PARP12: variants seen among roughly 807,000 people sequenced by gnomAD.
The protein encoded by PARP12 is protein mono-ADP-ribosyltransferase PARP12.
PARP12 carries 59 observed loss-of-function variants against 72.4 expected under a neutral mutation model. The observed-to-expected ratio is 0.81, with a 90% CI of 0.66 to 1.01. The LOEUF (loss-of-function observed/expected upper bound fraction) is 1.01. Ranked by LOEUF, PARP12 falls within the 50% of genes least tolerant of loss-of-function variation. PARP12 has a pLI of 0.00. For synonymous variants in PARP12, 403 were observed against 371.4 expected, an observed-to-expected ratio of 1.09 and a Z score of -0.98; for missense variants, 851 against 914.0, an observed-to-expected ratio of 0.93 and a Z score of 0.89.
chr7:140,061,568 G>T lies in PARP12; in HGVS notation c.326+954C>A, dbSNP rs146625583. ...CCCCACAACATCCTCCCTTAAATTG[G>T]CACCCACACCACTACCTTAGACTTC... is the stretch of plus-strand genomic sequence containing the variant. On this transcript the variant is annotated intron_variant, in intron 1 of 11. Coordinates refer to ENST00000263549, the MANE Select transcript of PARP12 (RefSeq NM_022750.4). 3.3e-3 allele frequency among the ~76,000 whole-genome samples: 500 copies of T among 152,232 alleles called. 2 individuals are homozygous for T. The highest frequency in any genetic ancestry group is 6.8e-3 in the Middle Eastern group (2 of 294).
Position 140,024,526 on chromosome 7 carries a change from G to C in PARP12, c.*34C>G, listed in dbSNP as rs747888717. The C allele has an allele frequency of 6.2e-7, 1 of 1,607,330 alleles. No homozygotes were observed. The highest frequency in any genetic ancestry group is 8.5e-7 in the Non-Finnish European group (1 of 1,174,304). On this transcript the variant is annotated 3_prime_UTR_variant, in exon 12 of 12. Coordinates refer to ENST00000263549, the MANE Select transcript of PARP12 (RefSeq NM_022750.4). The stretch of plus-strand genomic sequence containing the variant: ...AGGCCCAAATAGCCATTTCAAGGCA[G>C]AGCAGGTGAAAGGCCTGGAACACTC...
At chr7:140,033,595 A>T in intron 8 of PARP12, 1 of 984,712 alleles carries the variant, frequency 1.0e-6, no homozygotes, top group East Asian at 1.1e-4. Flanking sequence ...ATCCCATCCC[A>T]CCTCCCCAAG....
chr7:140,035,907 AGG>A (rs879667291), intron 7 of PARP12, among the ~76,000 whole-genome samples: 8,588 of 130,226 alleles, frequency 0.066, 1,314 homozygotes, highest in East Asian at 0.18. Context: ...GAGGACGAGG[AGG>A]AGGACAAGGA....
At chr7:140,057,267 C>T in intron 2 of PARP12, 114 bp from the exon 3 acceptor site, 1 of 994,722 alleles carries the variant, frequency 1.0e-6, no homozygotes, top group Non-Finnish European at 1.5e-6. Flanking sequence ...ATTCCATCAT[C>T]CACACAGAAC....
chr7:140,062,585 A>G lies in PARP12; in HGVS notation c.263T>C (p.Leu88Pro). 1 of 1,533,514 alleles carries G rather than the reference A, an allele frequency of 6.5e-7. No individual in the cohort carries two copies. The highest frequency in any genetic ancestry group is 8.7e-7 in the Non-Finnish European group (1 of 1,144,704). 95.0% of individuals were successfully genotyped at this position (1,533,514 alleles called of 1,614,324 possible). A position where few individuals can be genotyped will look rare whatever the true frequency, so the allele number is the denominator to read the frequency against. Residue 88 changes from leucine to proline, a missense_variant, in exon 1 of 12, where the codon CTC becomes CCC. Leu to Pro is a moderately conservative substitution (Grantham distance 98). Coordinates refer to ENST00000263549, the MANE Select transcript of PARP12 (RefSeq NM_022750.4). ...CCTGCAGAGGTGGAGCTGCGCGCAG[A>G]GCCCCACGCAGCCCGGCTTGGAGCC... Reference protein sequence around the residue: ...HQGSKPGCVGLCAQLHLCRFM... With the variant: ...HQGSKPGCVGPCAQLHLCRFM...
intron 8 of PARP12, chr7:140,033,263 C>G (rs1419896269): frequency 7.1e-6 from 7 of 985,294 alleles, no homozygotes; most frequent in Non-Finnish European, 8.4e-6. Context: ...CTAGGTCTGA[C>G]TCACAAGGCA....
chr7:140,025,093 C>T, intron 11 of PARP12: 1 of 580,030 alleles, frequency 1.7e-6, no homozygotes, highest in Middle Eastern at 4.6e-4. Context: ...GTGGCAGCAT[C>T]TGAGGAGTTA....
intron 4 of PARP12, among the ~76,000 whole-genome samples, chr7:140,051,620 A>G (rs1273692130): frequency 6.6e-6 from 1 of 152,132 alleles, no homozygotes; most frequent in Non-Finnish European, 1.5e-5. Context: ...CAAACTCCTG[A>G]CCTCAAGTGA....
chr7:140,046,824 G>GTC, intron 5 of PARP12, 60 bp downstream of exon 5: 1 of 1,530,076 alleles, frequency 6.5e-7, no homozygotes, highest in South Asian at 1.2e-5. Context: ...GTGTGTGTGT[G>GTC]TGTGTGTGTC....
Position 140,062,772 on chromosome 7 carries a change from G to A in PARP12, c.76C>T (p.Leu26=). Residue 26 remains leucine, a synonymous_variant, in exon 1 of 12, where the codon CTG becomes TTG. Transcript: ENST00000263549. ...AAGCCCATCCGCAAGCGGCGCCGCA[G>A]CTCGGGCAACTCCAGGGCGCCCCCG... ...AAGGALELPE[L]RRRLRMGLSA... 1.4e-6 allele frequency: 2 copies of A among 1,400,272 alleles called. No homozygotes were observed. The highest frequency in any genetic ancestry group is 1.5e-5 in the African/African-American group (1 of 66,832). 86.7% of individuals were successfully genotyped at this position (1,400,272 alleles called of 1,614,324 possible).
At chr7:140,059,359 T>TATAC (rs1418702640) in intron 1 of PARP12, among the ~76,000 whole-genome samples, 1 of 117,122 alleles carries the variant, frequency 8.5e-6, no homozygotes, top group Non-Finnish European at 1.7e-5. Flanking sequence ...TGCAGGCGTG[T>TATAC]ATACACACAC....
In PARP12 at chr7:140,037,780, G is replaced by C; in HGVS notation, c.1259C>G (p.Ser420Cys). 1 of 1,614,218 alleles carries C rather than the reference G, an allele frequency of 6.2e-7. No homozygotes were observed. Among genetic ancestry groups the C allele is most frequent in the Non-Finnish European group, 8.5e-7 (1 of 1,180,006 alleles). ...CTTCAAGGTGGCTGCCTGGCCGTCA[G>C]ACCCCGGTGTACAGTAGGCCAGGTA... ...KAYLAYCTPG[S>C]DGQAATLKFQ... Residue 420 changes from serine to cysteine, a missense_variant, in exon 7 of 12, where the codon TCT becomes TGT. Transcript: ENST00000263549.
rs1815650901 is a variant in PARP12, at chr7:140,024,599, G to GGCC, written c.2066_2067insGGC (p.Ile689delinsMetAla). 1 of 1,614,096 alleles carries GGCC rather than the reference G, an allele frequency of 6.2e-7. No individual in the cohort carries two copies. The highest frequency in any genetic ancestry group is 8.5e-7 in the Non-Finnish European group (1 of 1,180,050). ...TGAACAGGGAGCCCAAGGCCAGCAG[G>GGCC]ATGGAGGGTGTGACCGAGGGCTTGG... On this transcript the variant is annotated protein_altering_variant, in exon 12 of 12. Transcript: ENST00000263549.
In PARP12 at chr7:140,037,874, A is replaced by C; in HGVS notation, c.1183-18T>G. On this transcript the variant is annotated intron_variant, in intron 6 of 11. Coordinates refer to ENST00000263549, the MANE Select transcript of PARP12 (RefSeq NM_022750.4). The stretch of plus-strand genomic sequence containing the variant: ...ACCGTGCCCTGCGATGGAAAGCCAG[A>C]CACTTTATGAAGGCAAGAAACTGCG... 6.3e-7 allele frequency: 1 copy of C among 1,599,370 alleles called. No homozygotes were observed. The highest frequency in any genetic ancestry group is 8.6e-7 in the Non-Finnish European group (1 of 1,168,228).
rs117582412 is a variant in PARP12 at position 140,027,567 on chromosome 7, G to A, written c.1498-161C>T. On this transcript the variant is annotated intron_variant, in intron 9 of 11. Coordinates refer to ENST00000263549, the MANE Select transcript of PARP12 (RefSeq NM_022750.4). ...GTTTCTCCAGGCACAGGAGACAATC[G>A]GTCCTCATGAAATGTCATTGATAGG... The A allele has an allele frequency of 4.3e-4, 327 of 752,102 alleles. 1 individual carries two copies. In the East Asian group the frequency reaches 8.3e-3, roughly 19 times the overall value. 46.6% of individuals were successfully genotyped at this position (752,102 alleles called of 1,614,324 possible).
chr7:140,047,687 G>A (rs539688221), intron 4 of PARP12, among the ~76,000 whole-genome samples: 7 of 151,932 alleles, frequency 4.6e-5, no homozygotes, highest in East Asian at 3.9e-4. Context: ...GCACAATCAC[G>A]GCTCACTGCA....
intron 4 of PARP12, among the ~76,000 whole-genome samples, chr7:140,052,856 A>G (rs1817019660): frequency 6.6e-6 from 1 of 152,142 alleles, no homozygotes; most frequent in Non-Finnish European, 1.5e-5. Context: ...ATGTAAATAA[A>G]AGTTAAACAT....
At chr7:140,039,866 T>C (rs1057167227) in intron 6 of PARP12, among the ~76,000 whole-genome samples, 5 of 151,464 alleles carry the variant, frequency 3.3e-5, no homozygotes, top group African/African-American at 1.2e-4. Flanking sequence ...CCACACGCGG[T>C]TCATCCCCAG....
rs1053712358 is a variant in PARP12 at position 140,062,828 on chromosome 7, A to C, written c.20T>G (p.Val7Gly). Reference protein sequence around the residue: MAQAGVVGEVTQVLCAA... With the variant: MAQAGVGGEVTQVLCAA... ...GCACAGCACCTGGGTGACCTCACCG[A>C]CGACGCCGGCCTGGGCCATGGCCGC... The change falls in exon 1 of 12, where the codon GTC (valine) becomes GGC (glycine). Residue 7 changes from valine (V) to glycine (G), a missense_variant. Physicochemically the swap from Val to Gly is moderately radical, Grantham distance 109 (BLOSUM62 -3). Coordinates refer to ENST00000263549, the MANE Select transcript of PARP12 (RefSeq NM_022750.4). The C allele has an allele frequency of 1.4e-6, 2 of 1,401,328 alleles. No individual in the cohort carries two copies. The highest frequency in any genetic ancestry group is 3.0e-5 in the African/African-American group (2 of 66,618). 86.8% of individuals were successfully genotyped at this position (1,401,328 alleles called of 1,614,324 possible).
Sources: gnomAD v4.1 joint callset for allele counts (sites outside exome capture counted in the v4.1 genomes callset) on GRCh38, gnomAD v4.1.1 for gene constraint, MANE v1.5 for transcripts, NCBI Gene and HGNC (gene_info 2026-07-23, HGNC 2026-07-21) for gene names.